TMTC1: variants seen among roughly 807,000 people sequenced by gnomAD.
TMTC1 encodes the protein transmembrane O-mannosyltransferase targeting cadherins 1, also known as protein O-mannosyl-transferase TMTC1.
In TMTC1, 73 loss-of-function variants were observed where a neutral mutation model predicts 104.8. The ratio of observed to expected loss-of-function variants is 0.70; its 90% CI spans 0.58 to 0.85. The LOEUF (loss-of-function observed/expected upper bound fraction) is 0.85. Ranked by LOEUF, TMTC1 falls within the 40% of genes least tolerant of loss-of-function variation. The pLI, the probability that TMTC1 is intolerant of heterozygous loss-of-function variation, is 0.00. For synonymous variants in TMTC1, 434 were observed against 428.7 expected, an observed-to-expected ratio of 1.01 and a Z score of -0.15; for missense variants, 1,035 against 1,096.1, an observed-to-expected ratio of 0.94 and a Z score of 0.79.
chr12:29,639,200 T>C (rs1467011363), intron 5 of TMTC1, among the ~76,000 whole-genome samples: 2 of 152,190 alleles, frequency 1.3e-5, no homozygotes, highest in Non-Finnish European at 2.9e-5. Flanking sequence ...ACACACACAT[T>C]ACATAGTTGA....
chr12:29,598,260 A>G (rs1592294815), intron 7 of TMTC1, among the ~76,000 whole-genome samples: 1 of 152,372 alleles, frequency 6.6e-6, no homozygotes, highest in South Asian at 2.1e-4. Flanking sequence ...GAAGCATACA[A>G]ATACACAGAT....
At chr12:29,569,605 T>C (rs1483885236) in intron 9 of TMTC1, among the ~76,000 whole-genome samples, 3 of 152,178 alleles carry the variant, frequency 2.0e-5, no homozygotes, top group South Asian at 2.1e-4. Context: ...TTACCAAGGA[T>C]AAATAATCAT....
chr12:29,508,339 G>A, intron 17 of TMTC1, among the ~76,000 whole-genome samples: 1 of 152,174 alleles, frequency 6.6e-6, no homozygotes. Flanking sequence ...TCTTCCAAAT[G>A]TCTTCTGATT....
chr12:29,714,097 T>TGTGG (rs1942011416), intron 5 of TMTC1, among the ~76,000 whole-genome samples: 3 of 152,326 alleles, frequency 2.0e-5, no homozygotes, highest in South Asian at 4.1e-4. Context: ...CTTCCCAGCC[T>TGTGG]GAAGAACTGT....
At chr12:29,748,157 A>C (rs953425733) in intron 5 of TMTC1, among the ~76,000 whole-genome samples, 1 of 152,196 alleles carries the variant, frequency 6.6e-6, no homozygotes, top group African/African-American at 2.4e-5. Context: ...TAAATACATT[A>C]ACTTAGTGAG....
intron 5 of TMTC1, among the ~76,000 whole-genome samples, chr12:29,732,826 C>G (rs895673787): frequency 6.6e-6 from 1 of 152,234 alleles, no homozygotes; most frequent in South Asian, 2.1e-4. Context: ...GGCCACTCCC[C>G]ACATCCCCTT....
chr12:29,707,502 T>C (rs1941780337), intron 5 of TMTC1, among the ~76,000 whole-genome samples: 1 of 152,240 alleles, frequency 6.6e-6, no homozygotes, highest in East Asian at 1.9e-4. Context: ...TCCAGAGTGT[T>C]ACAATGACCC....
At chr12:29,777,276 G>A (rs1357155957) in intron 1 of TMTC1, among the ~76,000 whole-genome samples, 1 of 152,090 alleles carries the variant, frequency 6.6e-6, no homozygotes, top group Non-Finnish European at 1.5e-5. Context: ...TGTATTTTTA[G>A]TAGAGATGGG....
Position 29,583,884 on chromosome 12 carries a change from T to G in TMTC1, c.1251-310A>C, listed in dbSNP as rs535448958. Among the ~76,000 whole-genome samples the G allele has an allele frequency of 1.4e-4, 22 of 152,294 alleles. No individual in the cohort carries two copies. In the South Asian group the frequency reaches 4.1e-3, roughly 29 times the overall value. ...ATGAGAAGTCCCACATATAAGCTCTTGGGTCCTGAATGGCTCCTCTGACCC... is the reference window on the plus strand; with the variant it reads ...ATGAGAAGTCCCACATATAAGCTCTGGGGTCCTGAATGGCTCCTCTGACCC... On this transcript the variant is annotated intron_variant, in intron 7 of 17. Coordinates refer to ENST00000539277, the MANE Select transcript of TMTC1 (RefSeq NM_001193451.2).
At chr12:29,633,644 C>G (rs1938409614) in intron 5 of TMTC1, among the ~76,000 whole-genome samples, 1 of 152,024 alleles carries the variant, frequency 6.6e-6, no homozygotes, top group Admixed American at 6.6e-5. Flanking sequence ...GAAATGAATG[C>G]TAGGAAGGAA....
At chr12:29,687,454 A>T (rs1941129727) in intron 5 of TMTC1, among the ~76,000 whole-genome samples, 1 of 152,202 alleles carries the variant, frequency 6.6e-6, no homozygotes, top group African/African-American at 2.4e-5. Flanking sequence ...AGACTGATAA[A>T]CTCTTCCAAA....
intron 7 of TMTC1, among the ~76,000 whole-genome samples, chr12:29,600,829 C>G (rs892704696): frequency 6.6e-6 from 1 of 152,014 alleles, no homozygotes; most frequent in Non-Finnish European, 1.5e-5. Context: ...GGTGATGGTA[C>G]GTGTTAGTCC....
In TMTC1 at chr12:29,783,909, C is replaced by T. The variant is rs1278414024; in HGVS notation, c.-158G>A. The stretch of plus-strand genomic sequence containing the variant: ...CGAGCTCCCCGCGCTCCGCCGCCGC[C>T]TGCGCCGCGGAGTTGGCCCAGCTGC... On this transcript the variant is annotated 5_prime_UTR_variant, in exon 1 of 18. Transcript: ENST00000539277. This position sits in a 1 kb window ranked among gnomAD's most constrained non-coding sequence, Gnocchi z 4.7. 8 of 687,414 alleles carry T rather than the reference C, an allele frequency of 1.2e-5. No individual in the cohort carries two copies. The highest frequency in any genetic ancestry group is 1.9e-5 in the African/African-American group (1 of 51,814). The allele number at this position is 687,414 out of a possible 1,614,324, so 42.6% of individuals were successfully genotyped here. A position where few individuals can be genotyped will look rare whatever the true frequency, so the allele number is the denominator to read the frequency against.
intron 1 of TMTC1, among the ~76,000 whole-genome samples, chr12:29,778,750 G>T (rs1028537605): frequency 1.3e-5 from 2 of 152,186 alleles, no homozygotes; most frequent in African/African-American, 2.4e-5. Flanking sequence ...ATCAGTTAGG[G>T]TTAGACTAGA....
chr12:29,711,946 G>T (rs955975994), intron 5 of TMTC1, among the ~76,000 whole-genome samples: 3 of 137,446 alleles, frequency 2.2e-5, no homozygotes, highest in Non-Finnish European at 3.0e-5. Context: ...GGCAGAGCTT[G>T]CAGTGAGCCC....
At chr12:29,725,022 T>TG (rs1942346170) in intron 5 of TMTC1, among the ~76,000 whole-genome samples, 1 of 131,794 alleles carries the variant, frequency 7.6e-6, no homozygotes, top group African/African-American at 2.9e-5. Flanking sequence ...TTCTTTTTTT[T>TG]TTTTTTTTTT....
chr12:29,555,134 CTTTTTTTT>C (rs77513599), intron 10 of TMTC1, among the ~76,000 whole-genome samples: 1 of 88,202 alleles, frequency 1.1e-5, no homozygotes, highest in Non-Finnish European at 2.0e-5. Context: ...TTCCAACATC[CTTTTTTTT>C]TTTTTTTTTT....
chr12:29,539,326 A>C (rs186331176), intron 10 of TMTC1, among the ~76,000 whole-genome samples: 4 of 150,904 alleles, frequency 2.7e-5, no homozygotes, highest in Non-Finnish European at 5.9e-5. Flanking sequence ...CAGTCCTACA[A>C]TACTATTGGA....
At chr12:29,780,429 A>G (rs1943807879) in intron 1 of TMTC1, among the ~76,000 whole-genome samples, 1 of 152,244 alleles carries the variant, frequency 6.6e-6, no homozygotes, top group Non-Finnish European at 1.5e-5. Context: ...TTTATACAAC[A>G]GTATTAAAAT....
Sources: allele counts gnomAD v4.1 joint callset (sites outside exome capture counted in the v4.1 genomes callset), GRCh38; gene constraint gnomAD v4.1.1; non-coding constraint Gnocchi (gnomAD v3.1); transcripts MANE v1.5; gene names NCBI Gene and HGNC (gene_info 2026-07-23, HGNC 2026-07-21).